Variants in AKAP19 observed in about 807,000 individuals in gnomAD.
AKAP19 encodes the protein small A-kinase anchoring protein.
At chr2:190,026,686 GT>G in the AKAP19 span, among the ~76,000 whole-genome samples, 4 of 152,184 alleles carry the variant, frequency 2.6e-5, no homozygotes, top group East Asian at 5.8e-4. Context: ...TGGCAATGAA[GT>G]CTGAGAAACA....
the AKAP19 span, among the ~76,000 whole-genome samples, chr2:190,199,296 T>C: frequency 6.6e-6 from 1 of 152,146 alleles, no homozygotes; most frequent in African/African-American, 2.4e-5. Context: ...TCTGCTGTTG[T>C]AGTATGAACG....
At chr2:190,021,214 G>C in the AKAP19 span, among the ~76,000 whole-genome samples, 1 of 151,784 alleles carries the variant, frequency 6.6e-6, no homozygotes, top group Non-Finnish European at 1.5e-5. Flanking sequence ...TGTGATTTTT[G>C]TTTCCAATTA....
the AKAP19 span, chr2:190,079,090 C>A: frequency 6.6e-6 from 1 of 152,156 alleles, no homozygotes; most frequent in African/African-American, 2.4e-5. Context: ...TGCTGATCTG[C>A]TCCAGACTCA....
the AKAP19 span, among the ~76,000 whole-genome samples, chr2:189,960,242 G>T: frequency 4.6e-5 from 7 of 152,232 alleles, no homozygotes; most frequent in East Asian, 1.2e-3. Flanking sequence ...TCCTTATAAG[G>T]TTTCTGAGGG....
At chr2:190,024,316 ATG>A in the AKAP19 span, among the ~76,000 whole-genome samples, 74 of 148,148 alleles carry the variant, frequency 5.0e-4, no homozygotes, top group Non-Finnish European at 9.2e-4. Context: ...ATATATATAT[ATG>A]TGTGTGTGTG....
chr2:190,086,212 G>A, the AKAP19 span, among the ~76,000 whole-genome samples: 22 of 152,266 alleles, frequency 1.4e-4, no homozygotes, highest in African/African-American at 5.3e-4. Context: ...ATGGAAAATA[G>A]GATACTGATA....
At chr2:190,044,604 G>A in the AKAP19 span, among the ~76,000 whole-genome samples, 1 of 152,156 alleles carries the variant, frequency 6.6e-6, no homozygotes, top group Non-Finnish European at 1.5e-5. Context: ...GATAGCTCTG[G>A]TGGGGGGTGA....
the AKAP19 span, among the ~76,000 whole-genome samples, chr2:190,120,746 A>G: frequency 6.6e-6 from 1 of 152,216 alleles, no homozygotes; most frequent in Non-Finnish European, 1.5e-5. Context: ...GAAGTTGTAG[A>G]ACAACTGTAA....
chr2:190,154,402 C>T, the AKAP19 span, among the ~76,000 whole-genome samples: 6 of 152,104 alleles, frequency 3.9e-5, no homozygotes, highest in Non-Finnish European at 8.8e-5. Context: ...TCTGTTTCTC[C>T]TTGTATATTC....
the AKAP19 span, chr2:190,057,787 A>T: frequency 1.2e-6 from 1 of 807,400 alleles, no homozygotes; most frequent in African/African-American, 1.7e-5. Context: ...AGGAATGTTA[A>T]TTTACACTAG....
chr2:190,143,284 GAAAAAA>G, the AKAP19 span, among the ~76,000 whole-genome samples: 1 of 118,926 alleles, frequency 8.4e-6, no homozygotes, highest in Admixed American at 9.1e-5. Context: ...TATCCTGTAG[GAAAAAA>G]AAAAAAAAAA....
chr2:190,099,824 T>C, the AKAP19 span, among the ~76,000 whole-genome samples: 9 of 152,248 alleles, frequency 5.9e-5, no homozygotes, highest in African/African-American at 1.9e-4. Context: ...CATGAGCTGA[T>C]GGGAATGAAT....
the AKAP19 span, among the ~76,000 whole-genome samples, chr2:190,046,936 T>C: frequency 1.4e-4 from 22 of 152,322 alleles, no homozygotes; most frequent in South Asian, 4.4e-3. Context: ...AAGTGATATA[T>C]AGGCTTCACC....
At chr2:189,978,664 T>C in the AKAP19 span, among the ~76,000 whole-genome samples, 1 of 152,154 alleles carries the variant, frequency 6.6e-6, no homozygotes, top group East Asian at 1.9e-4. Flanking sequence ...TGATTTTCTG[T>C]TTCTGCATTA....
the AKAP19 span, among the ~76,000 whole-genome samples, chr2:190,029,013 A>T: frequency 1.3e-5 from 2 of 151,872 alleles, no homozygotes; most frequent in Non-Finnish European, 2.9e-5. Flanking sequence ...TTTTAAGGAG[A>T]TATTCGAGTG....
At chr2:190,079,372 G>A in the AKAP19 span, 10 of 152,292 alleles carry the variant, frequency 6.6e-5, no homozygotes, top group East Asian at 1.9e-4. Flanking sequence ...GTCTAGTGTG[G>A]GCCACCAAAC....
the AKAP19 span, chr2:190,150,367 G>C: frequency 1.2e-4 from 18 of 152,278 alleles, no homozygotes; most frequent in African/African-American, 4.3e-4. Context: ...CCTGCTAGGG[G>C]ATGCAGCGAG....
At chr2:190,044,993 C>G in the AKAP19 span, among the ~76,000 whole-genome samples, 3 of 152,146 alleles carry the variant, frequency 2.0e-5, no homozygotes, top group African/African-American at 7.2e-5. Flanking sequence ...CTGTGCTGCA[C>G]TGGGGTTCCA....
At chr2:189,973,548 C>T in the AKAP19 span, among the ~76,000 whole-genome samples, 1 of 152,128 alleles carries the variant, frequency 6.6e-6, no homozygotes, top group Non-Finnish European at 1.5e-5. Context: ...GGAATAGTTT[C>T]AGAAGGAGTG....
Sources: gnomAD v4.1 joint callset for allele counts (sites outside exome capture counted in the v4.1 genomes callset) on GRCh38, gnomAD v4.1.1 for gene constraint, MANE v1.5 for transcripts, NCBI Gene and HGNC (gene_info 2026-07-23, HGNC 2026-07-21) for gene names.